The following KANK1 variants were observed in gnomAD, a reference collection of about 807,000 sequenced individuals.
KANK1 encodes KN motif and ankyrin repeat domains 1.
In KANK1, 109 loss-of-function variants were observed where a neutral mutation model predicts 106.2. The observed-to-expected ratio is 1.03, with a 90% CI of 0.88 to 1.20. The LOEUF is 1.20. KANK1 is among the 50% of genes most tolerant of loss of function. KANK1 has a pLI of 0.00. For missense variants in KANK1, 2,399 were observed against 1,710.7 expected, an observed-to-expected ratio of 1.40 and a Z score of -7.10; for synonymous variants, 873 against 652.2, an observed-to-expected ratio of 1.34 and a Z score of -5.16.
chr9:691,804 A>G, intron 2 of KANK1, among the ~76,000 whole-genome samples: 1 of 144,680 alleles, frequency 6.9e-6, no homozygotes. Context: ...TTTGGTAGAG[A>G]CAGAGTGTCA....
intron 1 of KANK1, among the ~76,000 whole-genome samples, chr9:589,571 G>A (rs16920592): frequency 0.016 from 2,469 of 152,164 alleles, 58 homozygotes; most frequent in African/African-American, 0.056. Flanking sequence ...CAGGACTTCC[G>A]TGACTACAGG....
At chr9:707,527 T>C (rs1824727680) in intron 2 of KANK1, among the ~76,000 whole-genome samples, 1 of 115,306 alleles carries the variant, frequency 8.7e-6, no homozygotes. Flanking sequence ...GTTAATGGAG[T>C]TTCAGACAGT....
At chr9:541,877 C>T (rs1334754020) in intron 1 of KANK1, among the ~76,000 whole-genome samples, 1 of 151,364 alleles carries the variant, frequency 6.6e-6, no homozygotes, top group Non-Finnish European at 1.5e-5. Context: ...ATCACGAGGT[C>T]AGGAGATCGA....
At position 488,581 on chromosome 9, in the gene KANK1, C is replaced by T. The variant is rs181318111; in HGVS notation, c.-362+15308C>T. 4.3e-4 allele frequency among the ~76,000 whole-genome samples: 66 copies of T among 152,318 alleles called. 1 individual carries two copies. The highest frequency in any genetic ancestry group is 2.9e-3 in the Admixed American group (45 of 15,300). ...TTACCTCAACTGCAAAGGAGCAGTT[C>T]TGATAACATCCTTCCTGTCTCATTC... is the stretch of plus-strand genomic sequence containing the variant. On this transcript the variant is annotated intron_variant, in intron 3 of 15. Coordinates refer to the KANK1 transcript ENST00000382303.
rs115456302 is a variant in KANK1 at position 644,259 on chromosome 9, A to G, written c.-83-32631A>G. On this transcript the variant is annotated intron_variant, in intron 1 of 11. Transcript: ENST00000382297. ...TCTTCTGGGAAAGCACTTAAACAAA[A>G]CACAGGTTTATAAATTGTTATGGTC... Among the ~76,000 whole-genome samples, 836 of 151,044 alleles carry G rather than the reference A, an allele frequency of 5.5e-3. 62 individuals are homozygous for G. Among genetic ancestry groups the G allele is most frequent in the African/African-American group, 0.02 (789 of 40,338 alleles).
At chr9:744,669 G>A (rs756467785) in intron 11 of KANK1, 80 bp downstream of exon 11, 5 of 1,611,562 alleles carry the variant, frequency 3.1e-6, no homozygotes, top group Non-Finnish European at 4.2e-6. Context: ...GGAATTGACG[G>A]GAGACAGATT....
chr9:611,456 C>CT (rs1830535465), intron 1 of KANK1, among the ~76,000 whole-genome samples: 2 of 152,218 alleles, frequency 1.3e-5, no homozygotes, highest in Non-Finnish European at 2.9e-5. Context: ...CCCATGTCCT[C>CT]TGTCTCTCAT....
At chr9:534,781 A>C (rs1270909158) in intron 1 of KANK1, among the ~76,000 whole-genome samples, 1 of 152,258 alleles carries the variant, frequency 6.6e-6, no homozygotes, top group African/African-American at 2.4e-5. Context: ...TAAAAGCACC[A>C]ACACTAAAAC....
chr9:511,165 G>C (rs1330573206), intron 1 of KANK1, among the ~76,000 whole-genome samples: 2 of 152,202 alleles, frequency 1.3e-5, no homozygotes, highest in Non-Finnish European at 2.9e-5. Flanking sequence ...GTGATATTTA[G>C]GGGGATTTGG....
At chr9:733,506 G>A (rs1298578407) in intron 6 of KANK1, 1 of 152,194 alleles carries the variant, frequency 6.6e-6, no homozygotes, top group East Asian at 1.9e-4. Flanking sequence ...CAGATGTGTG[G>A]TTTACTGGTC....
At chr9:706,931 T>G (rs1339830139) in intron 2 of KANK1, 10 of 985,462 alleles carry the variant, frequency 1.0e-5, no homozygotes, top group Non-Finnish European at 1.1e-5. Flanking sequence ...AGTGCTAGCT[T>G]TATTTAAAAA....
intron 3 of KANK1, among the ~76,000 whole-genome samples, chr9:728,274 C>G (rs930227217): frequency 1.3e-5 from 2 of 150,746 alleles, no homozygotes; most frequent in Admixed American, 1.3e-4. Context: ...GATCTAGGCA[C>G]TACAACCTCC....
chr9:582,177 G>T (rs910870173), intron 1 of KANK1, among the ~76,000 whole-genome samples: 10 of 152,162 alleles, frequency 6.6e-5, no homozygotes, highest in African/African-American at 2.4e-4. Context: ...CCACGTAGAG[G>T]TGGCAACTGC....
chr9:731,053 C>G, intron 4 of KANK1, 105 bp from the exon 5 acceptor site: 1 of 538,094 alleles, frequency 1.9e-6, no homozygotes, highest in Non-Finnish European at 3.3e-6. Context: ...ATATATATGC[C>G]AAGATCTACA....
rs769029401 is a variant in KANK1, at chr9:730,102, C to T, written c.2750C>T (p.Pro917Leu). 6.2e-7 allele frequency: 1 copy of T among 1,614,146 alleles called. No homozygotes were observed. The change falls in exon 4 of 12, where the codon CCC (proline) becomes CTC (leucine). Residue 917 changes from proline (P) to leucine (L), a missense_variant. By Grantham distance (98) the Pro-to-Leu change is moderately conservative. Transcript: ENST00000382297. ...CKCGGLQSGSPLSSQTSQPEQ... is the reference protein window; with the variant it reads ...CKCGGLQSGSLLSSQTSQPEQ... Reference sequence around the variant, plus strand: ...TGTGGGGGCCTTCAGTCAGGAAGTCCCTTAAGCTCCCAGACATCCCAGCCT... The same window carrying T: ...TGTGGGGGCCTTCAGTCAGGAAGTCTCTTAAGCTCCCAGACATCCCAGCCT...
intron 1 of KANK1, among the ~76,000 whole-genome samples, chr9:616,001 T>A (rs1459667063): frequency 6.6e-6 from 1 of 152,170 alleles, no homozygotes; most frequent in Non-Finnish European, 1.5e-5. Context: ...CATGAAAGCC[T>A]AAGGAAGGTT....
At chr9:670,891 C>G (rs1295460698) in intron 1 of KANK1, among the ~76,000 whole-genome samples, 3 of 149,110 alleles carry the variant, frequency 2.0e-5, no homozygotes, top group Non-Finnish European at 3.0e-5. Flanking sequence ...TGATACCAAG[C>G]AGATTGGGGG....
At chr9:738,614 T>G in intron 8 of KANK1, 110 bp downstream of exon 8, 1 of 813,570 alleles carries the variant, frequency 1.2e-6, no homozygotes, top group Non-Finnish European at 2.0e-6. Flanking sequence ...GCTAAAATCC[T>G]TTTTATTGCT....
At chr9:589,236 G>T (rs1824242507) in intron 1 of KANK1, among the ~76,000 whole-genome samples, 2 of 152,168 alleles carry the variant, frequency 1.3e-5, no homozygotes, top group South Asian at 4.1e-4. Flanking sequence ...TCATCTTACA[G>T]AGGAGGAAAT....
Sources: allele counts gnomAD v4.1 joint callset (sites outside exome capture counted in the v4.1 genomes callset), GRCh38; gene constraint gnomAD v4.1.1; transcripts MANE v1.5; gene names NCBI Gene and HGNC (gene_info 2026-07-23, HGNC 2026-07-21).